The following AKAP8 variants were observed in gnomAD, a reference collection of about 807,000 sequenced individuals.
AKAP8 encodes A-kinase anchor protein 8.
A neutral mutation model predicts 67.5 loss-of-function variants in AKAP8; 24 were observed. The ratio of observed to expected loss-of-function variants is 0.36; its 90% CI spans 0.26 to 0.50. The LOEUF (loss-of-function observed/expected upper bound fraction) is 0.50, where lower values mean the gene tolerates loss of function less well. Ranked by LOEUF, AKAP8 falls within the 20% of genes least tolerant of loss-of-function variation. The probability of loss-of-function intolerance (pLI) is 0.97; values close to 1 mark genes in which losing one functional copy is unlikely to be tolerated. For missense variants in AKAP8, 971 were observed against 955.9 expected, an observed-to-expected ratio of 1.02 and a Z score of -0.21; for synonymous variants, 400 against 371.1, an observed-to-expected ratio of 1.08 and a Z score of -0.90.
chr19:15,370,641 T>TC (rs1555755764), intron 7 of AKAP8, among the ~76,000 whole-genome samples: 1 of 143,302 alleles, frequency 7.0e-6, no homozygotes, highest in East Asian at 2.1e-4. Flanking sequence ...TTTTTTTTTT[T>TC]TTTTTTTTGA....
Position 15,372,633 on chromosome 19 carries a change from A to G in AKAP8, c.861+218T>C, listed in dbSNP as rs188332107. 7.9e-3 allele frequency among the ~76,000 whole-genome samples: 1,207 copies of G among 152,208 alleles called. 13 individuals carry two copies. Among genetic ancestry groups the G allele is most frequent in the Non-Finnish European group, 0.01 (707 of 68,002 alleles). On this transcript the variant is annotated intron_variant, in intron 5 of 13. Transcript: ENST00000269701. The stretch of plus-strand genomic sequence containing the variant: ...GGGCTGGTGGGGGCGGGGAAGAGAC[A>G]GGGGTGACTAATGAGAAGAAGTTTC...
intron 2 of AKAP8, among the ~76,000 whole-genome samples, chr19:15,375,969 C>T (rs2145087577): frequency 6.7e-6 from 1 of 150,286 alleles, no homozygotes; most frequent in South Asian, 2.1e-4. Context: ...CGTGCTCTGT[C>T]ACCCAGGCTG....
chr19:15,360,376 C>T (rs149855586), intron 12 of AKAP8, among the ~76,000 whole-genome samples: 11 of 152,308 alleles, frequency 7.2e-5, no homozygotes, highest in African/African-American at 1.7e-4. Context: ...CTGGATAGGG[C>T]CTCTATGGTC....
At chr19:15,375,721 C>T (rs1967240673) in intron 2 of AKAP8, among the ~76,000 whole-genome samples, 1 of 150,536 alleles carries the variant, frequency 6.6e-6, no homozygotes, top group African/African-American at 2.4e-5. Flanking sequence ...ACTGCAAGCT[C>T]CACCTCCTGG....
intron 5 of AKAP8, among the ~76,000 whole-genome samples, 193 bp from the exon 6 acceptor site, chr19:15,372,540 C>T (rs530478043): frequency 6.6e-5 from 10 of 151,840 alleles, no homozygotes; most frequent in African/African-American, 1.4e-4. Context: ...AAAGGCCACA[C>T]GTTTCGCGAC....
At chr19:15,356,253 A>C (rs2048277644) in intron 13 of AKAP8, among the ~76,000 whole-genome samples, 1 of 151,556 alleles carries the variant, frequency 6.6e-6, no homozygotes, top group South Asian at 2.1e-4. Flanking sequence ...ACAAAAAAAA[A>C]AATTAGCCGG....
At chr19:15,364,513 G>A (rs1482395320) in intron 9 of AKAP8, among the ~76,000 whole-genome samples, 2 of 152,148 alleles carry the variant, frequency 1.3e-5, no homozygotes, top group Admixed American at 6.5e-5. Context: ...ACCACTCCCA[G>A]TTAATTTTTG....
intron 2 of AKAP8, among the ~76,000 whole-genome samples, chr19:15,375,960 G>A (rs1476599557): frequency 2.7e-5 from 4 of 150,690 alleles, no homozygotes; most frequent in East Asian, 2.0e-4. Flanking sequence ...AGACAGGGTC[G>A]TGCTCTGTCA....
chr19:15,376,515 T>C (rs1967255024), intron 2 of AKAP8, among the ~76,000 whole-genome samples: 1 of 152,100 alleles, frequency 6.6e-6, no homozygotes, highest in African/African-American at 2.4e-5. Context: ...ATGAGATTTT[T>C]AGTACACTCA....
rs1261504220 is a variant in AKAP8, at chr19:15,360,959, G to T, written c.1416C>A (p.Phe472Leu). Residue 472 changes from phenylalanine (F) to leucine (L), a missense_variant, in exon 12 of 14, where the codon TTC becomes TTA. By Grantham distance (22) the Phe-to-Leu change is conservative (BLOSUM62 0). Coordinates refer to ENST00000269701, the MANE Select transcript of AKAP8 (RefSeq NM_005858.4). ...AGTGAGCAGCCTCGATCTTCTTGAAGAAGTGCTCCTGGCCAATCCCTGCCA... is the reference window on the plus strand; with the variant it reads ...AGTGAGCAGCCTCGATCTTCTTGAATAAGTGCTCCTGGCCAATCCCTGCCA... ...DPFKGIGQEH[F>L]FKKIEAAHCL... 1 of 1,613,338 alleles carries T rather than the reference G, an allele frequency of 6.2e-7. No individual in the cohort carries two copies. Among genetic ancestry groups the T allele is most frequent in the Admixed American group, 1.7e-5 (1 of 59,986 alleles).
At chr19:15,368,207 C>T in intron 9 of AKAP8, 28 bp downstream of exon 9, 2 of 1,608,596 alleles carry the variant, frequency 1.2e-6, no homozygotes, top group Non-Finnish European at 1.7e-6. Context: ...TCCACCTCCT[C>T]CTGTGGGGTC....
At chr19:15,358,396 C>T (rs893899587) in intron 13 of AKAP8, among the ~76,000 whole-genome samples, 8 of 151,764 alleles carry the variant, frequency 5.3e-5, no homozygotes, top group Admixed American at 3.9e-4. Context: ...ACTCTGTCAC[C>T]TGGGCTGGAG....
In AKAP8 at chr19:15,355,269, C is replaced by T. The variant is rs200362293; in HGVS notation, c.1725G>A (p.Ala575=). The stretch of plus-strand genomic sequence containing the variant: ...CTGTAATCACCTCTGCTAAGACGTC[C>T]GCGGCCACCTCCTCAGGTGTCTCTT... ...DKKETPEEVA[A]DVLAEVITAA... The change falls in exon 14 of 14, where the codon GCG becomes GCA. Residue 575 remains alanine, a synonymous_variant. Coordinates refer to ENST00000269701, the MANE Select transcript of AKAP8 (RefSeq NM_005858.4). The T allele has an allele frequency of 3.0e-5, 48 of 1,612,942 alleles. No individual in the cohort carries two copies. The highest frequency in any genetic ancestry group is 3.7e-5 in the Non-Finnish European group (44 of 1,180,048).
intron 9 of AKAP8, among the ~76,000 whole-genome samples, chr19:15,363,857 C>T (rs1161861499): frequency 6.6e-6 from 1 of 151,504 alleles, no homozygotes; most frequent in Non-Finnish European, 1.5e-5. Flanking sequence ...TGTGACCTTA[C>T]CCCCAACCCT....
chr19:15,373,565 G>A (rs1009461002), intron 4 of AKAP8, among the ~76,000 whole-genome samples: 2 of 152,134 alleles, frequency 1.3e-5, no homozygotes, highest in African/African-American at 4.8e-5. Flanking sequence ...GAAAAAAGGA[G>A]TCTCGGGGAG....
rs766206242 is a variant in AKAP8 at position 15,360,903 on chromosome 19, T to C, written c.1472A>G (p.Gln491Arg). The change falls in exon 12 of 14, where the codon CAG becomes CGG. Residue 491 changes from glutamine (Q) to arginine (R), a missense_variant. This residue lies in a region of AKAP8 where 763 missense variants were observed against 745.4 expected (regional missense o/e 1.02). Transcript: ENST00000269701. ...CAGGTGCCGCTGGAGGAGCTGCGGC[T>C]GTGCAGGAATTAGCATGTCGCAGGC... ...CLACDMLIPA[Q>R]PQLLQRHLHS... is the part of the protein sequence containing the mutation. The C allele has an allele frequency of 6.7e-5, 108 of 1,613,660 alleles. No individual in the cohort carries two copies. Among genetic ancestry groups the C allele is most frequent in the Non-Finnish European group, 9.0e-5 (106 of 1,179,932 alleles).
Position 15,357,187 on chromosome 19 carries a change from C to T in AKAP8, c.1623+1780G>A, listed in dbSNP as rs1370608619. Among the ~76,000 whole-genome samples the T allele has an allele frequency of 7.2e-5, 11 of 151,734 alleles. No homozygotes were observed. The East Asian group carries it at 2.2e-3, about 30-fold the overall frequency. Reference sequence around the variant, plus strand: ...TCTTGGCCAGGCTGGTCTTGAACTCCTGACCTCGTGATGCACCCGCCTCGG... The same window carrying T: ...TCTTGGCCAGGCTGGTCTTGAACTCTTGACCTCGTGATGCACCCGCCTCGG... On this transcript the variant is annotated intron_variant, in intron 13 of 13. Transcript: ENST00000269701.
intron 9 of AKAP8, among the ~76,000 whole-genome samples, chr19:15,363,336 T>C (rs1453800716): frequency 4.3e-3 from 253 of 58,592 alleles, no homozygotes; most frequent in Admixed American, 8.8e-3. Context: ...GGCCAGCCGC[T>C]CCGTCCGGGA....
Position 15,355,201 on chromosome 19 carries a change from T to C in AKAP8, c.1793A>G (p.Glu598Gly). 1 of 1,611,632 alleles carries C rather than the reference T, an allele frequency of 6.2e-7. No homozygotes were observed. Among genetic ancestry groups the C allele is most frequent in the Middle Eastern group, 1.6e-4 (1 of 6,062 alleles). ...GTCCTCAGCCGGCTCCCCGCTGCTC[T>C]CTGGAGCGGGCGCTCCTTCCCCATC... ...AVDGEGAPAP[E>G]SSGEPAEDEG... Residue 598 changes from glutamate to glycine, a missense_variant, in exon 14 of 14, where the codon GAG (glutamate) becomes GGG (glycine). Physicochemically the swap from Glu to Gly is moderately conservative, Grantham distance 98. Coordinates refer to ENST00000269701, the MANE Select transcript of AKAP8 (RefSeq NM_005858.4).
Sources: allele counts gnomAD v4.1 joint callset (sites outside exome capture counted in the v4.1 genomes callset), GRCh38; gene constraint gnomAD v4.1.1; regional missense constraint gnomAD v4.1.1; transcripts MANE v1.5; gene names NCBI Gene and HGNC (gene_info 2026-07-23, HGNC 2026-07-21).